GREB1L: variants seen among roughly 807,000 people sequenced by gnomAD.
GREB1L encodes GREB1-like protein.
Under a neutral mutation model 200.8 loss-of-function variants are expected in GREB1L, and 17 were observed. The observed-to-expected ratio is 0.08, with a 90% CI of 0.06 to 0.13. The LOEUF (loss-of-function observed/expected upper bound fraction) is 0.13, where lower values mean the gene tolerates loss of function less well. GREB1L is among the 10% of genes least tolerant of loss of function. The pLI is 1.00. For synonymous variants in GREB1L, 789 were observed against 893.0 expected, an observed-to-expected ratio of 0.88 and a Z score of 2.08; for missense variants, 1,657 against 2,367.7, an observed-to-expected ratio of 0.70 and a Z score of 6.23.
chr18:21,496,323 C>A, intron 20 of GREB1L, 131 bp from the exon 21 acceptor site: 1 of 933,222 alleles, frequency 1.1e-6, no homozygotes, highest in Middle Eastern at 2.2e-4. Context: ...GCTGAGGTTT[C>A]AGTCAAGGCT....
At chr18:21,461,783 G>T (rs767900997) in intron 15 of GREB1L, among the ~76,000 whole-genome samples, 8 of 152,250 alleles carry the variant, frequency 5.3e-5, no homozygotes, top group Admixed American at 2.6e-4. Flanking sequence ...TACTATGCAT[G>T]AATATTTGCT....
intron 7 of GREB1L, among the ~76,000 whole-genome samples, chr18:21,426,964 AAAAAAAAAC>A (rs1266443326): frequency 0.03 from 3,311 of 110,718 alleles, 216 homozygotes; most frequent in African/African-American, 0.19. Context: ...GTCTCAAAAA[AAAAAAAAAC>A]AAAAAAAAAA....
intron 5 of GREB1L, among the ~76,000 whole-genome samples, chr18:21,399,895 G>A (rs187383843): frequency 1.3e-5 from 2 of 152,216 alleles, no homozygotes; most frequent in East Asian, 3.9e-4. Context: ...AGGATGTTGT[G>A]AAATATTCTA....
chr18:21,520,050 CCTCCGT>C lies in GREB1L; in HGVS notation c.5473-633_5473-628del, dbSNP rs2037559284. On this transcript the variant is annotated intron_variant, in intron 31 of 32. Transcript: ENST00000424526. ...CTCCAGGGTTCAAGCGATTCTCCTG[CCTCCGT>C]CTCCTGAGTAGCTGGGATTACAGGT... Among the ~76,000 whole-genome samples the C allele has an allele frequency of 2.0e-5, 3 of 152,066 alleles. No homozygotes were observed. In the South Asian group the frequency reaches 6.2e-4, roughly 31 times the overall value.
chr18:21,444,977 G>A (rs1210812075), intron 11 of GREB1L, among the ~76,000 whole-genome samples: 1 of 152,144 alleles, frequency 6.6e-6, no homozygotes, highest in East Asian at 1.9e-4. Context: ...ATAGGGTAAG[G>A]GGGATATGTA....
At chr18:21,428,115 G>A (rs1236843963) in intron 7 of GREB1L, among the ~76,000 whole-genome samples, 4 of 147,158 alleles carry the variant, frequency 2.7e-5, no homozygotes, top group Admixed American at 2.0e-4. Flanking sequence ...GCGTGAACCC[G>A]GGAAGCGGAG....
chr18:21,488,227 C>T (rs188724356), intron 18 of GREB1L, among the ~76,000 whole-genome samples: 5 of 152,212 alleles, frequency 3.3e-5, no homozygotes, highest in Admixed American at 2.6e-4. Flanking sequence ...ACCCGGGAAG[C>T]GAAGGTTGCA....
At chr18:21,414,295 C>T (rs776444218) in intron 7 of GREB1L, among the ~76,000 whole-genome samples, 7 of 151,486 alleles carry the variant, frequency 4.6e-5, no homozygotes, top group South Asian at 2.1e-4. Flanking sequence ...TGTCATATCA[C>T]GTAAAAAGAT....
intron 28 of GREB1L, among the ~76,000 whole-genome samples, chr18:21,514,816 G>T (rs554353546): frequency 1.1e-4 from 17 of 152,124 alleles, no homozygotes; most frequent in Non-Finnish European, 2.2e-4. Context: ...GTAAAATTAC[G>T]CCTGGGCCAA....
At chr18:21,407,714 A>G (rs570201509) in intron 7 of GREB1L, among the ~76,000 whole-genome samples, 1 of 152,082 alleles carries the variant, frequency 6.6e-6, no homozygotes, top group Non-Finnish European at 1.5e-5. Context: ...AAAATTCAAA[A>G]CTTTTACACT....
chr18:21,266,650 C>T (rs1364019848), intron 1 of GREB1L, among the ~76,000 whole-genome samples: 1 of 152,190 alleles, frequency 6.6e-6, no homozygotes, highest in Non-Finnish European at 1.5e-5. Flanking sequence ...TTTTGAAAAA[C>T]ACTGCTGTAT....
chr18:21,498,660 A>G (rs1044556111), intron 21 of GREB1L, among the ~76,000 whole-genome samples: 1 of 152,110 alleles, frequency 6.6e-6, no homozygotes, highest in African/African-American at 2.4e-5. Context: ...GCCCTTGGCT[A>G]CTGTGTCCCT....
chr18:21,395,032 G>C (rs2040986700), intron 4 of GREB1L, among the ~76,000 whole-genome samples: 1 of 150,250 alleles, frequency 6.7e-6, no homozygotes, highest in Admixed American at 6.6e-5. Context: ...CTTGAACCTG[G>C]GAGGTGGAGG....
At position 21,401,236 on chromosome 18, in the gene GREB1L, A is replaced by G. The variant is rs1174219278; in HGVS notation, c.619A>G (p.Thr207Ala). The G allele has an allele frequency of 6.4e-7, 1 of 1,551,506 alleles. No individual in the cohort carries two copies. Among genetic ancestry groups the G allele is most frequent in the South Asian group, 1.2e-5 (1 of 84,050 alleles). The change falls in exon 6 of 33, where the codon ACT becomes GCT. Residue 207 changes from threonine to alanine, a missense_variant. By Grantham distance (58) the Thr-to-Ala change is moderately conservative. This residue lies in a region of GREB1L where 70 missense variants were observed against 151.3 expected (regional missense o/e 0.46). Coordinates refer to ENST00000424526, the MANE Select transcript of GREB1L (RefSeq NM_001142966.3). ...CAACCACATTAACTTGAAGCTCACC[A>G]CTCAGCCAAAGAAGCAGAAGCACTT... ...FSNHINLKLTTQPKKQKHLKY... is the reference protein window; with the variant it reads ...FSNHINLKLTAQPKKQKHLKY...
At chr18:21,505,355 A>C in intron 23 of GREB1L, 57 bp from the exon 24 acceptor site, 1 of 1,481,864 alleles carries the variant, frequency 6.7e-7, no homozygotes, top group East Asian at 2.5e-5. Flanking sequence ...ATTCTCTCTG[A>C]CACATGGGGA....
At chr18:21,443,701 A>G (rs1002956936) in intron 10 of GREB1L, among the ~76,000 whole-genome samples, 2 of 152,196 alleles carry the variant, frequency 1.3e-5, no homozygotes, top group African/African-American at 4.8e-5. Context: ...GTCCCTTAGT[A>G]TCCCTGGGGG....
intron 1 of GREB1L, among the ~76,000 whole-genome samples, chr18:21,325,813 CAAAAAAAAAAAAAAA>C (rs60239796): frequency 7.2e-5 from 3 of 41,698 alleles, no homozygotes; most frequent in East Asian, 8.8e-4. Context: ...GACCTTGTCT[CAAAAAAAAAAAAAAA>C]AAAAAAAAAA....
In GREB1L at chr18:21,500,147, A is replaced by G. The variant is rs985432390; in HGVS notation, c.3810A>G (p.Pro1270=). The part of the protein sequence containing the change: ...ADVAWVSSLR[P]LLNKDMSSEE... The stretch of plus-strand genomic sequence containing the variant: ...TGGCCTGGGTGAGCTCCCTGCGGCC[A>G]CTCCTGAACAAGGACATGAGCAGTG... The change falls in exon 22 of 33, where the codon CCA becomes CCG. Residue 1270 remains proline, a synonymous_variant. Transcript: ENST00000424526. 3.2e-6 allele frequency: 5 copies of G among 1,551,228 alleles called. No individual in the cohort carries two copies. The highest frequency in any genetic ancestry group is 3.5e-6 in the Non-Finnish European group (4 of 1,146,974).
In GREB1L at chr18:21,520,833, AT is replaced by A. The variant is rs1467238121; in HGVS notation, c.5608+13del. ...TTTAAATTTCTAAAAGGTAAGTCAAATTTAGTATCTTGCTTGTAATTGCTAT... is the reference window on the plus strand; with the variant it reads ...TTTAAATTTCTAAAAGGTAAGTCAAATTAGTATCTTGCTTGTAATTGCTAT... On this transcript the variant is annotated intron_variant, in intron 32 of 32. Coordinates refer to ENST00000424526, the MANE Select transcript of GREB1L (RefSeq NM_001142966.3). The A allele has an allele frequency of 5.9e-6, 9 of 1,525,776 alleles. No homozygotes were observed. The African/African-American group carries it at 8.4e-5, about 14-fold the overall frequency. The allele number at this position is 1,525,776 out of a possible 1,614,324, so 94.5% of individuals were successfully genotyped here.
Sources: allele counts gnomAD v4.1 joint callset (sites outside exome capture counted in the v4.1 genomes callset), GRCh38; gene constraint gnomAD v4.1.1; regional missense constraint gnomAD v4.1.1; transcripts MANE v1.5; gene names NCBI Gene and HGNC (gene_info 2026-07-23, HGNC 2026-07-21).